RBFOX1: variants seen among roughly 807,000 people sequenced by gnomAD.
RBFOX1 encodes the protein RNA binding protein fox-1 homolog 1.
A neutral mutation model predicts 57.7 loss-of-function variants in RBFOX1; 8 were observed. That is an observed-to-expected ratio of 0.14 (90% CI 0.08 to 0.25). The LOEUF is 0.25. Ranked by LOEUF, RBFOX1 falls within the 10% of genes least tolerant of loss-of-function variation. RBFOX1 has a pLI of 1.00. For synonymous variants in RBFOX1, 326 were observed against 222.4 expected (o/e 1.47, Z -4.15); for missense variants, 611 against 548.5 (o/e 1.11, Z -1.14).
chr16:5,273,446 A>G (rs1254961732), intron 1 of RBFOX1, among the ~76,000 whole-genome samples: 1 of 152,088 alleles, frequency 6.6e-6, no homozygotes, highest in Non-Finnish European at 1.5e-5. Flanking sequence ...AGCCCACCCC[A>G]AAGAGAGGCT....
At chr16:7,316,099 C>T (rs2096432614) in intron 4 of RBFOX1, among the ~76,000 whole-genome samples, 1 of 152,192 alleles carries the variant, frequency 6.6e-6, no homozygotes, top group South Asian at 2.1e-4. Flanking sequence ...AAAATAAAAT[C>T]ACATTTCCTC....
intron 1 of RBFOX1, among the ~76,000 whole-genome samples, chr16:5,358,437 T>G (rs1181898241): frequency 6.6e-6 from 1 of 152,174 alleles, no homozygotes; most frequent in Admixed American, 6.5e-5. Flanking sequence ...ATGTTGTGGG[T>G]ACATAGAGGT....
At chr16:6,010,845 T>C (rs1314846057) in intron 4 of RBFOX1, among the ~76,000 whole-genome samples, 2 of 152,220 alleles carry the variant, frequency 1.3e-5, no homozygotes, top group Non-Finnish European at 2.9e-5. Flanking sequence ...CCAGGGATTG[T>C]GATTTTTTTT....
chr16:7,444,250 G>A (rs1004669169), intron 4 of RBFOX1, among the ~76,000 whole-genome samples: 1 of 152,168 alleles, frequency 6.6e-6, no homozygotes, highest in Non-Finnish European at 1.5e-5. Flanking sequence ...GTTCTAACCT[G>A]TTTCCTAATG....
chr16:5,870,772 G>T (rs1195287495), intron 4 of RBFOX1, among the ~76,000 whole-genome samples: 1 of 151,864 alleles, frequency 6.6e-6, no homozygotes, highest in African/African-American at 2.4e-5. Context: ...TATTTAATGC[G>T]TGATCCATAT....
chr16:6,760,881 A>G (rs948412626), intron 3 of RBFOX1, among the ~76,000 whole-genome samples: 2 of 152,084 alleles, frequency 1.3e-5, no homozygotes, highest in African/African-American at 4.8e-5. Context: ...ACCCACCAGA[A>G]TTGGACTCTA....
intron 3 of RBFOX1, among the ~76,000 whole-genome samples, chr16:6,874,865 T>G (rs1183030638): frequency 6.6e-6 from 1 of 152,140 alleles, no homozygotes; most frequent in Non-Finnish European, 1.5e-5. Flanking sequence ...CCCAATGAAC[T>G]TACCCATGTA....
intron 3 of RBFOX1, among the ~76,000 whole-genome samples, chr16:6,883,071 C>A (rs1264905138): frequency 6.6e-6 from 1 of 152,078 alleles, no homozygotes; most frequent in Admixed American, 6.5e-5. Context: ...TAGATGGCTT[C>A]TCAAACCATT....
intron 4 of RBFOX1, among the ~76,000 whole-genome samples, chr16:5,990,964 G>T (rs2060383076): frequency 6.6e-6 from 1 of 152,106 alleles, no homozygotes. Context: ...ACAAGAGCAA[G>T]ACTCTGTCAG....
intron 3 of RBFOX1, among the ~76,000 whole-genome samples, chr16:5,769,123 G>C (rs543379541): frequency 1.1e-3 from 161 of 152,072 alleles, no homozygotes; most frequent in Non-Finnish European, 1.8e-3. Context: ...ATATGGAAGA[G>C]AGGTGAGTGA....
chr16:7,418,464 C>T (rs902774899), intron 4 of RBFOX1, among the ~76,000 whole-genome samples: 13 of 152,158 alleles, frequency 8.5e-5, no homozygotes, highest in Admixed American at 2.0e-4. Context: ...AGCCAGGCAT[C>T]TGAGATGGAG....
chr16:6,643,315 T>C (rs139674763), intron 2 of RBFOX1, among the ~76,000 whole-genome samples: 1 of 152,218 alleles, frequency 6.6e-6, no homozygotes, highest in Admixed American at 6.5e-5. Context: ...TGAGCTAATT[T>C]GTGAATGGAA....
chr16:6,876,601 C>G (rs1402493326), intron 3 of RBFOX1, among the ~76,000 whole-genome samples: 5 of 151,984 alleles, frequency 3.3e-5, no homozygotes, highest in African/African-American at 1.2e-4. Flanking sequence ...TTATGATGCA[C>G]CATACTAGAG....
intron 3 of RBFOX1, among the ~76,000 whole-genome samples, chr16:7,010,820 C>T (rs527344686): frequency 1.3e-5 from 2 of 152,210 alleles, no homozygotes; most frequent in East Asian, 3.9e-4. Context: ...CCATCTCTGC[C>T]TCTGCCTCCG....
chr16:6,741,652 G>A (rs1450890149), intron 3 of RBFOX1, among the ~76,000 whole-genome samples: 2 of 148,906 alleles, frequency 1.3e-5, no homozygotes, highest in Non-Finnish European at 3.0e-5. Flanking sequence ...CTGGGCGACA[G>A]AGCCAGACTC....
At chr16:5,454,913 TCCTTTGTTTCTTTCTTCCTTCCTTCCTTC>T (rs2068559540) in intron 1 of RBFOX1, among the ~76,000 whole-genome samples, 1 of 119,946 alleles carries the variant, frequency 8.3e-6, no homozygotes, top group African/African-American at 2.9e-5. Flanking sequence ...TTTCTTTCTT[TCCTTTGTTTCTTTCTTCCTTCCTTCCTTC>T]CTTCCTTCCT....
upstream of RBFOX1, among the ~76,000 whole-genome samples, chr16:6,017,591 C>G (rs1424124): frequency 0.13 from 19,024 of 152,120 alleles, 1,363 homozygotes; most frequent in Admixed American, 0.17. Flanking sequence ...TAAAAATCAA[C>G]CCAAATTGCA....
intron 4 of RBFOX1, among the ~76,000 whole-genome samples, chr16:7,246,277 A>G (rs11862525): frequency 0.041 from 6,263 of 151,988 alleles, 158 homozygotes; most frequent in Middle Eastern, 0.061. Flanking sequence ...ATGCAATCCA[A>G]TTGCCTCTCA....
intron 14 of RBFOX1, among the ~76,000 whole-genome samples, chr16:7,688,258 TGTGAGA>T (rs1461360826): frequency 1.7e-4 from 22 of 128,394 alleles, no homozygotes; most frequent in Admixed American, 6.4e-4. Context: ...TGTGTGTGTG[TGTGAGA>T]GAGAGAGAGA....
Sources: gnomAD v4.1 joint callset for allele counts (sites outside exome capture counted in the v4.1 genomes callset) on GRCh38, gnomAD v4.1.1 for gene constraint, MANE v1.5 for transcripts, NCBI Gene and HGNC (gene_info 2026-07-23, HGNC 2026-07-21) for gene names.